The following FHIT variants were observed in gnomAD, a reference collection of about 807,000 sequenced individuals.
The protein encoded by FHIT is fragile histidine triad diadenosine triphosphatase.
FHIT carries 19 observed loss-of-function variants against 17.9 expected under a neutral mutation model. The observed-to-expected ratio is 1.06, with a 90% CI of 0.74 to 1.56. FHIT has a LOEUF of 1.56. Ranked by LOEUF, FHIT falls within the 40% of genes most tolerant of loss-of-function variation. The pLI, the probability that FHIT is intolerant of heterozygous loss-of-function variation, is 0.00. For missense variants in FHIT, 248 were observed against 189.2 expected, an observed-to-expected ratio of 1.31 and a Z score of -1.82; for synonymous variants, 81 against 69.7, an observed-to-expected ratio of 1.16 and a Z score of -0.81.
intron 5 of FHIT, among the ~76,000 whole-genome samples, chr3:60,447,228 T>G (rs893511541): frequency 6.6e-6 from 1 of 152,098 alleles, no homozygotes; most frequent in Non-Finnish European, 1.5e-5. Flanking sequence ...ACATGTGGCT[T>G]TTCTATTGTT....
intron 3 of FHIT, among the ~76,000 whole-genome samples, chr3:60,875,122 T>C (rs1704586747): frequency 6.6e-6 from 1 of 152,144 alleles, no homozygotes; most frequent in Non-Finnish European, 1.5e-5. Flanking sequence ...CAAATCCCTC[T>C]AGGAATAAAC....
intron 5 of FHIT, among the ~76,000 whole-genome samples, chr3:60,394,568 G>A (rs1358760747): frequency 6.6e-6 from 1 of 152,132 alleles, no homozygotes; most frequent in Non-Finnish European, 1.5e-5. Flanking sequence ...ACCTGCCTGG[G>A]TTCACATCCT....
chr3:60,584,939 A>G (rs1473032538), intron 4 of FHIT, among the ~76,000 whole-genome samples: 1 of 152,042 alleles, frequency 6.6e-6, no homozygotes, highest in East Asian at 1.9e-4. Context: ...ACATGAGCCC[A>G]TAAACCTAAT....
chr3:60,505,592 G>A (rs1262355740), intron 5 of FHIT, among the ~76,000 whole-genome samples: 1 of 152,018 alleles, frequency 6.6e-6, no homozygotes, highest in African/African-American at 2.4e-5. Context: ...TTCCCATCTG[G>A]AGGAGATCAT....
At chr3:60,314,469 A>T (rs1341219989) in intron 5 of FHIT, among the ~76,000 whole-genome samples, 1 of 152,148 alleles carries the variant, frequency 6.6e-6, no homozygotes, top group East Asian at 1.9e-4. Flanking sequence ...AAAAAATCAT[A>T]ATTTTTCACC....
At chr3:60,296,326 C>G (rs938878574) in intron 5 of FHIT, among the ~76,000 whole-genome samples, 8 of 152,008 alleles carry the variant, frequency 5.3e-5, no homozygotes, top group Admixed American at 5.3e-4. Flanking sequence ...TCATTTTCCC[C>G]GCATCTTCAC....
At chr3:60,542,399 G>T (rs368922153) in intron 4 of FHIT, among the ~76,000 whole-genome samples, 1 of 152,148 alleles carries the variant, frequency 6.6e-6, no homozygotes, top group African/African-American at 2.4e-5. Context: ...CAGCTTGCAC[G>T]CCCAGCAGCA....
At chr3:60,801,975 A>G (rs1007499083) in intron 4 of FHIT, among the ~76,000 whole-genome samples, 36 of 152,366 alleles carry the variant, frequency 2.4e-4, no homozygotes, top group African/African-American at 7.7e-4. Flanking sequence ...TTCAATTCAC[A>G]TAATCATTAA....
chr3:60,483,681 A>T (rs961707369), intron 5 of FHIT, among the ~76,000 whole-genome samples: 21 of 152,198 alleles, frequency 1.4e-4, no homozygotes, highest in Non-Finnish European at 2.6e-4. Context: ...ACATATCTCA[A>T]AATAATAAGA....
intron 1 of FHIT, among the ~76,000 whole-genome samples, chr3:61,203,312 G>C (rs1301678767): frequency 6.6e-6 from 1 of 151,192 alleles, no homozygotes; most frequent in Non-Finnish European, 1.5e-5. Context: ...TTGCACCATT[G>C]CACTCCAGCC....
chr3:60,498,942 C>A (rs2034412381), intron 5 of FHIT, among the ~76,000 whole-genome samples: 1 of 152,114 alleles, frequency 6.6e-6, no homozygotes, highest in East Asian at 1.9e-4. Flanking sequence ...CAAAATATTC[C>A]AGGAACTTTT....
chr3:60,068,898 C>T (rs9869623), intron 5 of FHIT, among the ~76,000 whole-genome samples: 50,610 of 151,974 alleles, frequency 0.33, 9,747 homozygotes, highest in African/African-American at 0.53. Context: ...ATACATAAAA[C>T]ATATGTACAA....
In FHIT at chr3:60,975,468, G is replaced by A. The variant is rs185118612; in HGVS notation, c.-111+66579C>T. Among the ~76,000 whole-genome samples, 8 of 152,222 alleles carry A rather than the reference G, an allele frequency of 5.3e-5. 1 individual carries two copies. The highest frequency in any genetic ancestry group is 2.6e-4 in the Admixed American group (4 of 15,302). On this transcript the variant is annotated intron_variant, in intron 3 of 9. Transcript: ENST00000492590. Reference sequence around the variant, plus strand: ...TTTCCCTCATTCACAACTAATCACTGTCTCCAGGAGGAACAGACTAAAGAG... The same window carrying A: ...TTTCCCTCATTCACAACTAATCACTATCTCCAGGAGGAACAGACTAAAGAG...
chr3:61,186,772 T>G (rs894145059), intron 2 of FHIT, among the ~76,000 whole-genome samples: 1 of 152,198 alleles, frequency 6.6e-6, no homozygotes. Context: ...TCTTTTGTAT[T>G]GGTTCTTGAA....
At chr3:60,238,737 C>CA (rs1234694450) in intron 5 of FHIT, among the ~76,000 whole-genome samples, 1 of 152,100 alleles carries the variant, frequency 6.6e-6, no homozygotes, top group Admixed American at 6.5e-5. Context: ...TGAGGAACAA[C>CA]AAAAAAAGTT....
At chr3:60,637,174 T>C (rs554623480) in intron 4 of FHIT, among the ~76,000 whole-genome samples, 2 of 152,314 alleles carry the variant, frequency 1.3e-5, no homozygotes, top group African/African-American at 4.8e-5. Context: ...GCAAAATGCA[T>C]AGGACACTTG....
chr3:60,795,508 G>GTTTTT, intron 4 of FHIT, among the ~76,000 whole-genome samples: 1 of 142,990 alleles, frequency 7.0e-6, no homozygotes. Flanking sequence ...TTTGTTTTTT[G>GTTTTT]TTTTTTTTTT....
intron 5 of FHIT, among the ~76,000 whole-genome samples, chr3:60,352,290 C>T (rs1699444745): frequency 6.6e-6 from 1 of 151,954 alleles, no homozygotes; most frequent in Non-Finnish European, 1.5e-5. Flanking sequence ...CAGTGGTGAG[C>T]CTAAAACAGG....
chr3:61,059,823 A>G (rs1428161891), intron 2 of FHIT, among the ~76,000 whole-genome samples: 1 of 152,240 alleles, frequency 6.6e-6, no homozygotes, highest in Non-Finnish European at 1.5e-5. Flanking sequence ...TAACACCGAC[A>G]GAAAATAAAT....
Sources: gnomAD v4.1 joint callset for allele counts (sites outside exome capture counted in the v4.1 genomes callset) on GRCh38, gnomAD v4.1.1 for gene constraint, MANE v1.5 for transcripts, NCBI Gene and HGNC (gene_info 2026-07-23, HGNC 2026-07-21) for gene names.